Variants in ADAM7 observed in about 807,000 individuals in gnomAD.
The protein encoded by ADAM7 is ADAM metallopeptidase domain 7.
ADAM7 carries 97 observed loss-of-function variants against 102.9 expected under a neutral mutation model. The observed-to-expected ratio is 0.94, with a 90% CI of 0.80 to 1.12. The LOEUF (loss-of-function observed/expected upper bound fraction) is 1.12, where lower values mean the gene tolerates loss of function less well. Ranked by LOEUF, ADAM7 falls within the 50% of genes most tolerant of loss-of-function variation. The probability of loss-of-function intolerance (pLI) is 0.00; values close to 1 mark genes in which losing one functional copy is unlikely to be tolerated. For synonymous variants in ADAM7, 334 were observed against 304.4 expected (o/e 1.10, Z -1.01); for missense variants, 991 against 908.7 (o/e 1.09, Z -1.16).
intron 7 of ADAM7, among the ~76,000 whole-genome samples, chr8:24,473,767 A>T (rs1418525890): frequency 6.6e-6 from 1 of 152,176 alleles, no homozygotes; most frequent in Non-Finnish European, 1.5e-5. Flanking sequence ...CCAAGCCAAG[A>T]TATATCCATA....
chr8:24,496,621 T>C (rs956517702), intron 16 of ADAM7, among the ~76,000 whole-genome samples: 1 of 152,208 alleles, frequency 6.6e-6, no homozygotes, highest in Non-Finnish European at 1.5e-5. Context: ...ATGTGAGACA[T>C]GGAATCAAAG....
At chr8:24,506,272 G>T in intron 20 of ADAM7, 1 of 826,046 alleles carries the variant, frequency 1.2e-6, no homozygotes, top group Non-Finnish European at 1.9e-6. Flanking sequence ...AACATCGATA[G>T]CTCTCTGATC....
intron 6 of ADAM7, chr8:24,467,250 G>A (rs1819459366): frequency 2.1e-6 from 1 of 482,624 alleles, no homozygotes; most frequent in South Asian, 4.1e-5. Context: ...TGAGTAGTTG[G>A]AAATCATGAA....
At chr8:24,475,362 A>T (rs1490782711) in intron 7 of ADAM7, among the ~76,000 whole-genome samples, 1 of 152,198 alleles carries the variant, frequency 6.6e-6, no homozygotes, top group African/African-American at 2.4e-5. Flanking sequence ...GTCATCCAGC[A>T]TTTAAGGGAT....
chr8:24,493,118 C>T lies in ADAM7; in HGVS notation c.1731C>T (p.His577=). The part of the protein sequence containing the change: ...SSLLGEDKTY[H]LKDPQKNATV... ...TCCTTGGAGAAGACAAGACTTATCA[C>T]CTTAAGGATCCCCAGAAGAATGCTA... is the stretch of plus-strand genomic sequence containing the variant. Residue 577 remains histidine, a synonymous_variant, in exon 16 of 22, where the codon CAC becomes CAT. Transcript: ENST00000175238. 3 of 1,613,230 alleles carry T rather than the reference C, an allele frequency of 1.9e-6. No individual in the cohort carries two copies. Among genetic ancestry groups the T allele is most frequent in the Non-Finnish European group, 2.5e-6 (3 of 1,179,536 alleles).
intron 8 of ADAM7, among the ~76,000 whole-genome samples, chr8:24,479,892 G>GA (rs953997201): frequency 1.2e-4 from 19 of 152,194 alleles, no homozygotes; most frequent in African/African-American, 4.3e-4. Flanking sequence ...GGTGGATACA[G>GA]AAAAAAATAT....
chr8:24,489,413 A>G (rs770957361), intron 12 of ADAM7, 80 bp downstream of exon 12: 6 of 1,353,898 alleles, frequency 4.4e-6, no homozygotes, highest in Non-Finnish European at 6.0e-6. Context: ...CCATTAATCA[A>G]ACCAACCGTG....
At position 24,485,272 on chromosome 8, in the gene ADAM7, C is replaced by G. The variant is rs375234010; in HGVS notation, c.876-5C>G. 1.9e-5 allele frequency: 30 copies of G among 1,611,402 alleles called. No homozygotes were observed. The Middle Eastern group carries it at 5.0e-4, about 27-fold the overall frequency. On this transcript the variant is annotated splice_region_variant and splice_polypyrimidine_tract_variant and intron_variant, in intron 9 of 21. Coordinates refer to ENST00000175238, the MANE Select transcript of ADAM7 (RefSeq NM_003817.4). ...TTGAAGACTATTTTTGCATCTTTTT[C>G]ATAGTGGGAAGTGGCTCTACTCACA...
intron 9 of ADAM7, among the ~76,000 whole-genome samples, chr8:24,484,494 T>C (rs1239738906): frequency 6.6e-6 from 1 of 152,198 alleles, no homozygotes; most frequent in African/African-American, 2.4e-5. Context: ...ATCTGACAAC[T>C]CATTTAAGTG....
rs1342093322 is a variant in ADAM7 at position 24,441,161 on chromosome 8, G to A, written c.52+1G>A. The A allele has an allele frequency of 1.1e-5, 17 of 1,611,908 alleles. No individual in the cohort carries two copies. Among genetic ancestry groups the A allele is most frequent in the Admixed American group, 1.7e-5 (1 of 60,014 alleles). On this transcript the variant is annotated splice_donor_variant, in intron 1 of 21. Coordinates refer to ENST00000175238, the MANE Select transcript of ADAM7 (RefSeq NM_003817.4). LOFTEE classifies it high-confidence loss of function. Reference sequence around the variant, plus strand: ...ATTTTACTCATTCCTCAGGTTAAAGGTATGTCTTGCTCTTTTTATCAGGAC... The same window carrying A: ...ATTTTACTCATTCCTCAGGTTAAAGATATGTCTTGCTCTTTTTATCAGGAC...
intron 8 of ADAM7, 121 bp downstream of exon 8, chr8:24,476,625 T>A: frequency 3.2e-6 from 2 of 616,776 alleles, no homozygotes; most frequent in South Asian, 4.5e-5. Flanking sequence ...GCACAAAGAC[T>A]AATAAGCAAA....
At chr8:24,491,882 C>G (rs12542421) in intron 13 of ADAM7, 21 bp from the exon 14 acceptor site, 124,615 of 1,560,412 alleles carry the variant, frequency 0.08, 5,418 homozygotes, top group Admixed American at 0.13. Context: ...AGGATTTAGT[C>G]TCTTTGTTTT....
At chr8:24,501,612 A>ATTT in intron 20 of ADAM7, 36 bp downstream of exon 20, 2 of 1,318,584 alleles carry the variant, frequency 1.5e-6, no homozygotes, top group African/African-American at 1.5e-5. Context: ...TAATTTATTG[A>ATTT]TTTTTTTTTT....
chr8:24,493,269 T>G (rs775801717), intron 16 of ADAM7, 40 bp downstream of exon 16: 21 of 1,511,226 alleles, frequency 1.4e-5, no homozygotes, highest in Non-Finnish European at 1.8e-5. Flanking sequence ...ACTTCTTAGT[T>G]CAATCCTTTA....
chr8:24,457,890 G>GTGTGTGTGTT (rs1278230743), intron 3 of ADAM7, among the ~76,000 whole-genome samples: 25 of 151,172 alleles, frequency 1.7e-4, no homozygotes, highest in African/African-American at 5.6e-4. Flanking sequence ...GTGTGTGTGT[G>GTGTGTGTGTT]TAATTTGCTG....
At position 24,442,694 on chromosome 8, in the gene ADAM7, C is replaced by G. The variant is rs930174585; in HGVS notation, c.156+118C>G. 21 of 784,678 alleles carry G rather than the reference C, an allele frequency of 2.7e-5. No homozygotes were observed. The African/African-American group carries it at 3.2e-4, about 12-fold the overall frequency. The allele number at this position is 784,678 out of a possible 1,614,324, so 48.6% of individuals were successfully genotyped here. On this transcript the variant is annotated intron_variant, in intron 2 of 21. Transcript: ENST00000175238. ...GGAGTTTCAATTTTTCTAAGGACTC[C>G]CATTCGGCATACACCATGTGCTTGG...
At chr8:24,493,250 T>C (rs745898365) in intron 16 of ADAM7, 21 bp downstream of exon 16, 2 of 1,560,290 alleles carry the variant, frequency 1.3e-6, no homozygotes, top group East Asian at 2.3e-5. Context: ...AGCCCTTTGT[T>C]TTATTAAAAC....
At chr8:24,460,897 T>C (rs1279518032) in intron 3 of ADAM7, among the ~76,000 whole-genome samples, 1 of 152,104 alleles carries the variant, frequency 6.6e-6, no homozygotes, top group Non-Finnish European at 1.5e-5. Context: ...TTGTTACAGG[T>C]TCAGTTTTTT....
intron 17 of ADAM7, 40 bp from the exon 18 acceptor site, chr8:24,500,138 T>A (rs1820704902): frequency 6.4e-7 from 1 of 1,558,476 alleles, no homozygotes; most frequent in African/African-American, 1.3e-5. Context: ...ACACAACTTA[T>A]ATCAGTCATT....
Sources: allele counts gnomAD v4.1 joint callset (sites outside exome capture counted in the v4.1 genomes callset), GRCh38; gene constraint gnomAD v4.1.1; transcripts MANE v1.5; gene names NCBI Gene and HGNC (gene_info 2026-07-23, HGNC 2026-07-21).